The following MTFR1 variants were observed in gnomAD, a reference collection of about 807,000 sequenced individuals.
MTFR1 encodes the protein chondrocyte protein with a poly-proline region.
Under a neutral mutation model 38.8 loss-of-function variants are expected in MTFR1, and 28 were observed. That is an observed-to-expected ratio of 0.72 (90% CI 0.53 to 0.99). The LOEUF (loss-of-function observed/expected upper bound fraction) is 0.99, where lower values mean the gene tolerates loss of function less well. Among genes scored for constraint, MTFR1 ranks in the 50% least tolerant of loss-of-function variants. The probability of loss-of-function intolerance (pLI) is 0.00; values close to 1 mark genes in which losing one functional copy is unlikely to be tolerated. For synonymous variants in MTFR1, 145 were observed against 137.0 expected, an observed-to-expected ratio of 1.06 and a Z score of -0.41; for missense variants, 358 against 395.5, an observed-to-expected ratio of 0.91 and a Z score of 0.81.
chr8:65,760,152 A>G (rs1231153240), intron 3 of MTFR1, among the ~76,000 whole-genome samples: 1 of 152,144 alleles, frequency 6.6e-6, no homozygotes, highest in African/African-American at 2.4e-5. Context: ...AAACAGGAGA[A>G]TCATTTGAAC....
chr8:65,748,105 TTTTAAC>T (rs1807770035), intron 3 of MTFR1, among the ~76,000 whole-genome samples: 1 of 151,982 alleles, frequency 6.6e-6, no homozygotes, highest in African/African-American at 2.4e-5. Context: ...TTGTTTTTTT[TTTTAAC>T]TTTAAAATAC....
At chr8:65,761,034 T>C (rs1275093260) in intron 3 of MTFR1, among the ~76,000 whole-genome samples, 1 of 152,092 alleles carries the variant, frequency 6.6e-6, no homozygotes, top group Non-Finnish European at 1.5e-5. Context: ...TATTACACAA[T>C]ATCTGACCTT....
chr8:65,761,946 C>T (rs980056739), intron 3 of MTFR1, among the ~76,000 whole-genome samples: 2 of 152,152 alleles, frequency 1.3e-5, no homozygotes, highest in Non-Finnish European at 2.9e-5. Flanking sequence ...TTCCCACAAC[C>T]GATGTCACAA....
chr8:65,689,990 T>G (rs1805224148), intron 3 of MTFR1, among the ~76,000 whole-genome samples: 1 of 152,228 alleles, frequency 6.6e-6, no homozygotes, highest in African/African-American at 2.4e-5. Context: ...TATTATGGAC[T>G]TGGTATCATT....
intron 1 of MTFR1, among the ~76,000 whole-genome samples, chr8:65,663,689 C>T (rs1563436988): frequency 6.6e-6 from 1 of 151,918 alleles, no homozygotes; most frequent in African/African-American, 2.4e-5. Flanking sequence ...ACCTGGAGCT[C>T]TCTTAATTAC....
At chr8:65,693,011 C>T (rs944620092) in intron 3 of MTFR1, among the ~76,000 whole-genome samples, 2 of 151,354 alleles carry the variant, frequency 1.3e-5, no homozygotes, top group Non-Finnish European at 1.5e-5. Flanking sequence ...CTTATACCCC[C>T]CGCCTACACA....
intron 2 of MTFR1, among the ~76,000 whole-genome samples, chr8:65,680,922 T>TC (rs1804861292): frequency 7.0e-6 from 1 of 142,872 alleles, no homozygotes; most frequent in Admixed American, 7.0e-5. Flanking sequence ...TTTTTTTTTT[T>TC]TGAGACGGAG....
chr8:65,733,191 T>C (rs1726359020), intron 3 of MTFR1, among the ~76,000 whole-genome samples: 1 of 152,180 alleles, frequency 6.6e-6, no homozygotes, highest in South Asian at 2.1e-4. Context: ...GTGTTCAAAA[T>C]CATGTTTTTA....
intron 3 of MTFR1, among the ~76,000 whole-genome samples, chr8:65,758,579 C>T (rs961297977): frequency 3.9e-5 from 6 of 152,318 alleles, no homozygotes; most frequent in South Asian, 4.1e-4. Context: ...ACACTTGTGA[C>T]GGTGAGTAAG....
intron 3 of MTFR1, among the ~76,000 whole-genome samples, chr8:65,729,894 T>C (rs1353334958): frequency 6.6e-6 from 1 of 151,902 alleles, no homozygotes; most frequent in East Asian, 1.9e-4. Context: ...CTTGACACAT[T>C]ATGTCCATCC....
At chr8:65,742,246 G>T (rs572568363) in intron 3 of MTFR1, among the ~76,000 whole-genome samples, 1 of 152,320 alleles carries the variant, frequency 6.6e-6, no homozygotes, top group African/African-American at 2.4e-5. Flanking sequence ...ATCATTTTTA[G>T]AAGGTGATCC....
chr8:65,693,582 A>C (rs1805345968), intron 3 of MTFR1, 62 bp from the exon 4 acceptor site: 1 of 1,454,622 alleles, frequency 6.9e-7, no homozygotes, highest in East Asian at 2.3e-5. Context: ...TAGGTGAGTA[A>C]AAAAAATTTA....
At chr8:65,749,719 A>G (rs1187503258) in intron 3 of MTFR1, among the ~76,000 whole-genome samples, 1 of 152,254 alleles carries the variant, frequency 6.6e-6, no homozygotes, top group Non-Finnish European at 1.5e-5. Context: ...GAAATTAAAT[A>G]ACTTTCCTAA....
intron 3 of MTFR1, among the ~76,000 whole-genome samples, chr8:65,755,237 T>G (rs554641503): frequency 3.3e-5 from 5 of 152,058 alleles, no homozygotes; most frequent in Non-Finnish European, 7.4e-5. Flanking sequence ...GCCCAGCTGG[T>G]CTTGAACTCC....
At chr8:65,747,522 C>T (rs967601774) in intron 3 of MTFR1, 12 of 517,354 alleles carry the variant, frequency 2.3e-5, no homozygotes, top group Non-Finnish European at 2.9e-5. Context: ...AAGAAAAAAA[C>T]CTGGAAAATA....
chr8:65,731,749 A>G (rs1806898277), intron 3 of MTFR1: 1 of 152,194 alleles, frequency 6.6e-6, no homozygotes, highest in Non-Finnish European at 1.5e-5. Flanking sequence ...TTCCACATAG[A>G]CAAGAGTCCA....
At chr8:65,664,983 A>G (rs1326951749) in intron 1 of MTFR1, among the ~76,000 whole-genome samples, 1 of 134,556 alleles carries the variant, frequency 7.4e-6, no homozygotes, top group African/African-American at 2.8e-5. Context: ...TCACCAGGCC[A>G]GAGTACAGTG....
rs144584935 is a variant in MTFR1 at position 65,682,365 on chromosome 8, A to G, written c.79A>G (p.Arg27Gly). 2.3e-3 allele frequency: 3,529 copies of G among 1,565,864 alleles called. 7 individuals carry two copies. Among genetic ancestry groups the G allele is most frequent in the Non-Finnish European group, 2.8e-3 (3,269 of 1,155,016 alleles). The change falls in exon 3 of 8, where the codon AGG (arginine) becomes GGG (glycine). Residue 27 changes from arginine (R) to glycine (G), a missense_variant. Physicochemically the swap from Arg to Gly is moderately radical, Grantham distance 125. Transcript: ENST00000262146. ...CCTACTTCCTCAGGTACTTTGGTCTAGGAAGCCATATGGTTCGTCTCGAAG... is the reference window on the plus strand; with the variant it reads ...CCTACTTCCTCAGGTACTTTGGTCTGGGAAGCCATATGGTTCGTCTCGAAG... ...GVSMQSVLWS[R>G]KPYGSSRSIV...
chr8:65,717,385 A>C (rs1806185063), intron 2 of MTFR1: 1 of 152,210 alleles, frequency 6.6e-6, no homozygotes, highest in African/African-American at 2.4e-5. Flanking sequence ...GATAGAAATA[A>C]ATACAACTAG....
Sources: allele counts gnomAD v4.1 joint callset (sites outside exome capture counted in the v4.1 genomes callset), GRCh38; gene constraint gnomAD v4.1.1; transcripts MANE v1.5; gene names NCBI Gene and HGNC (gene_info 2026-07-23, HGNC 2026-07-21).